Variants in RAP1A observed in about 807,000 individuals in gnomAD.
RAP1A encodes RAP1A, member of RAS oncogene family, also known as ras-related protein Rap-1A.
RAP1A carries 6 observed loss-of-function variants against 26.4 expected under a neutral mutation model. The observed-to-expected ratio is 0.23, with a 90% CI of 0.12 to 0.45. The LOEUF is 0.45. RAP1A is among the 20% of genes least tolerant of loss of function. The pLI, the probability that RAP1A is intolerant of heterozygous loss-of-function variation, is 0.99. For synonymous variants in RAP1A, 73 were observed against 79.4 expected, an observed-to-expected ratio of 0.92 and a Z score of 0.43; for missense variants, 121 against 217.2, an observed-to-expected ratio of 0.56 and a Z score of 2.78.
At chr1:111,589,232 T>C (rs900183011) in intron 1 of RAP1A, among the ~76,000 whole-genome samples, 33 of 152,182 alleles carry the variant, frequency 2.2e-4, no homozygotes, top group African/African-American at 7.7e-4. Flanking sequence ...CTGGACACCA[T>C]AGTATACCTT....
chr1:111,687,977 C>T (rs1002339993), intron 1 of RAP1A, among the ~76,000 whole-genome samples: 9 of 139,942 alleles, frequency 6.4e-5, no homozygotes, highest in Non-Finnish European at 9.1e-5. Flanking sequence ...ATGATCACAC[C>T]GCTGTATTCC....
chr1:111,614,957 T>C (rs749852213), upstream of RAP1A, among the ~76,000 whole-genome samples: 4 of 152,142 alleles, frequency 2.6e-5, no homozygotes, highest in Non-Finnish European at 4.4e-5. Flanking sequence ...ACTATGGGAC[T>C]TCAGAGGAGG....
chr1:111,701,055 G>A (rs570227343), intron 4 of RAP1A, among the ~76,000 whole-genome samples: 1 of 152,136 alleles, frequency 6.6e-6, no homozygotes, highest in Non-Finnish European at 1.5e-5. Flanking sequence ...CCATTTAAAT[G>A]TAAGTCAGAT....
intron 1 of RAP1A, among the ~76,000 whole-genome samples, chr1:111,640,202 A>G (rs1478611811): frequency 6.6e-6 from 1 of 152,244 alleles, no homozygotes; most frequent in Non-Finnish European, 1.5e-5. Flanking sequence ...TAAAAACTTC[A>G]AATTCATTTA....
intron 1 of RAP1A, among the ~76,000 whole-genome samples, chr1:111,576,739 T>TG (rs1263669120): frequency 7.9e-5 from 12 of 152,192 alleles, no homozygotes; most frequent in Non-Finnish European, 1.8e-4. Flanking sequence ...TGGGTGTTGG[T>TG]GCCAGCTTGG....
chr1:111,638,298 T>G (rs1659783499), intron 1 of RAP1A, among the ~76,000 whole-genome samples: 1 of 152,142 alleles, frequency 6.6e-6, no homozygotes, highest in South Asian at 2.1e-4. Context: ...TTCTTTCCCA[T>G]TTTGTTTTGT....
chr1:111,631,116 A>T (rs1347401139), intron 1 of RAP1A, among the ~76,000 whole-genome samples: 1 of 152,230 alleles, frequency 6.6e-6, no homozygotes, highest in East Asian at 1.9e-4. Context: ...ACCAGTGATT[A>T]TATTGACTCA....
chr1:111,697,052 T>C (rs1661854344), intron 3 of RAP1A, among the ~76,000 whole-genome samples: 1 of 152,222 alleles, frequency 6.6e-6, no homozygotes, highest in South Asian at 2.1e-4. Flanking sequence ...TTTTGAGCCA[T>C]TTAATATTTT....
rs190969118 is a variant in RAP1A at position 111,698,458 on chromosome 1, G to A, written c.183+961G>A. Among the ~76,000 whole-genome samples the A allele has an allele frequency of 2.1e-3, 314 of 152,142 alleles. 1 individual carries two copies. The highest frequency in any genetic ancestry group is 7.0e-3 in the African/African-American group (291 of 41,516). The stretch of plus-strand genomic sequence containing the variant: ...TAATAAAAAAATTTTTTTTGTAGAG[G>A]TGGTTTCGCTGTGTTGCCCAGGCTA... On this transcript the variant is annotated intron_variant, in intron 4 of 7. Coordinates refer to ENST00000369709, the MANE Select transcript of RAP1A (RefSeq NM_002884.4).
At chr1:111,650,449 A>G (rs992105378) in intron 1 of RAP1A, 9 of 152,210 alleles carry the variant, frequency 5.9e-5, no homozygotes, top group African/African-American at 1.7e-4. Context: ...GGAATGCTTC[A>G]TGAATTTGTG....
chr1:111,703,292 C>G, intron 4 of RAP1A, 44 bp from the exon 5 acceptor site: 1 of 1,310,658 alleles, frequency 7.6e-7, no homozygotes, highest in South Asian at 1.7e-5. Flanking sequence ...AGTATACATT[C>G]AAGAAATTTA....
intron 1 of RAP1A, among the ~76,000 whole-genome samples, chr1:111,634,950 A>G (rs1659683328): frequency 6.6e-6 from 1 of 152,120 alleles, no homozygotes; most frequent in South Asian, 2.1e-4. Context: ...GCCTGTTCAT[A>G]TATTTTATAA....
intron 1 of RAP1A, among the ~76,000 whole-genome samples, chr1:111,639,815 A>G (rs927494923): frequency 3.9e-5 from 6 of 152,238 alleles, no homozygotes; most frequent in Non-Finnish European, 8.8e-5. Context: ...AGCTTATTAC[A>G]GAGGTTTACC....
At chr1:111,668,844 C>G (rs907316459) in intron 1 of RAP1A, among the ~76,000 whole-genome samples, 3 of 151,688 alleles carry the variant, frequency 2.0e-5, no homozygotes, top group Non-Finnish European at 4.4e-5. Flanking sequence ...ATGTGGGCAA[C>G]ATGGTGAAAT....
At chr1:111,617,672 G>T (rs1203625815), upstream of RAP1A, among the ~76,000 whole-genome samples, 1 of 151,088 alleles carries the variant, frequency 6.6e-6, no homozygotes, top group African/African-American at 2.4e-5. Flanking sequence ...CTGACCTCGT[G>T]ATCCACCCGC....
Position 111,703,386 on chromosome 1 carries a change from T to C in RAP1A, c.234T>C (p.Phe78=). 1 of 1,600,874 alleles carries C rather than the reference T, an allele frequency of 6.2e-7. No individual in the cohort carries two copies. Among genetic ancestry groups the C allele is most frequent in the Non-Finnish European group, 8.5e-7 (1 of 1,171,300 alleles). ...TGTATATGAAGAACGGCCAAGGTTT[T>C]GCACTAGTATATTCTATTACAGCTC... ...RDLYMKNGQG[F]ALVYSITAQS... Residue 78 remains phenylalanine, a synonymous_variant, in exon 5 of 8, where the codon TTT becomes TTC. Transcript: ENST00000369709.
intron 1 of RAP1A, among the ~76,000 whole-genome samples, chr1:111,551,707 C>T (rs1026305829): frequency 6.6e-6 from 1 of 151,584 alleles, no homozygotes; most frequent in Non-Finnish European, 1.5e-5. Context: ...TTATCATTAC[C>T]AGTGGCAGTG....
chr1:111,567,803 G>T (rs1657956454), intron 1 of RAP1A, among the ~76,000 whole-genome samples: 1 of 152,230 alleles, frequency 6.6e-6, no homozygotes, highest in Admixed American at 6.5e-5. Context: ...GTGACTCTCT[G>T]TAAGCCAGGA....
intron 1 of RAP1A, among the ~76,000 whole-genome samples, chr1:111,642,176 C>T (rs1467884292): frequency 1.3e-5 from 2 of 151,988 alleles, no homozygotes; most frequent in Non-Finnish European, 2.9e-5. Flanking sequence ...ACCCGGGAGG[C>T]GGAGGTTGCA....
Sources: allele counts gnomAD v4.1 joint callset (sites outside exome capture counted in the v4.1 genomes callset), GRCh38; gene constraint gnomAD v4.1.1; transcripts MANE v1.5; gene names NCBI Gene and HGNC (gene_info 2026-07-23, HGNC 2026-07-21).